Variants in PCNX2 observed in about 807,000 individuals in gnomAD.
PCNX2 encodes the protein pecanex-like protein 2.
PCNX2 carries 168 observed loss-of-function variants against 223.8 expected under a neutral mutation model. That is an observed-to-expected ratio of 0.75 (90% CI 0.66 to 0.85). PCNX2 has a LOEUF of 0.85. Among genes scored for constraint, PCNX2 ranks in the 40% least tolerant of loss-of-function variants. The pLI is 0.00. For missense variants in PCNX2, 2,507 were observed against 2,675.5 expected (o/e 0.94, Z 1.39); for synonymous variants, 1,006 against 1,052.6 (o/e 0.96, Z 0.86).
the PCNX2 span, among the ~76,000 whole-genome samples, chr1:233,320,640 T>C: frequency 6.6e-6 from 1 of 152,192 alleles, no homozygotes; most frequent in Admixed American, 6.5e-5. Flanking sequence ...TTAGTTGCAG[T>C]GTGGAATGTG....
chr1:233,035,395 A>T (rs1367579833), intron 25 of PCNX2, among the ~76,000 whole-genome samples: 1 of 152,228 alleles, frequency 6.6e-6, no homozygotes, highest in African/African-American at 2.4e-5. Context: ...TACATTTAAA[A>T]CATTGTAAAT....
intron 1 of PCNX2, among the ~76,000 whole-genome samples, chr1:233,292,274 T>C (rs1300013027): frequency 6.7e-6 from 1 of 150,230 alleles, no homozygotes; most frequent in East Asian, 2.0e-4. Flanking sequence ...TGGCGTGATC[T>C]TGGCTCACTG....
At chr1:232,995,479 C>T (rs527249206) in intron 32 of PCNX2, among the ~76,000 whole-genome samples, 3 of 152,070 alleles carry the variant, frequency 2.0e-5, no homozygotes, top group East Asian at 1.9e-4. Flanking sequence ...CCAGAGTAAG[C>T]GTGTCATTTA....
At chr1:233,195,643 A>G (rs12060667) in intron 15 of PCNX2, among the ~76,000 whole-genome samples, 5,020 of 152,346 alleles carry the variant, frequency 0.033, 260 homozygotes, top group African/African-American at 0.11. Context: ...AATAAATTGT[A>G]TTTAGTATTA....
intron 15 of PCNX2, among the ~76,000 whole-genome samples, chr1:233,190,155 A>G (rs938789198): frequency 6.6e-6 from 1 of 152,190 alleles, no homozygotes; most frequent in Non-Finnish European, 1.5e-5. Context: ...GGCAGCTGAC[A>G]TGCTGAAACG....
intron 24 of PCNX2, among the ~76,000 whole-genome samples, chr1:233,055,394 C>A (rs1489059092): frequency 6.6e-6 from 1 of 152,100 alleles, no homozygotes; most frequent in East Asian, 1.9e-4. Flanking sequence ...TGATGGAATA[C>A]CTTGCTTCCC....
At chr1:233,202,491 T>TA (rs1455490406) in intron 13 of PCNX2, among the ~76,000 whole-genome samples, 1 of 152,208 alleles carries the variant, frequency 6.6e-6, no homozygotes, top group Non-Finnish European at 1.5e-5. Context: ...CAGTCAGAAT[T>TA]AAAATGGCAC....
chr1:233,031,709 A>G (rs762845639), intron 25 of PCNX2: 1 of 980,244 alleles, frequency 1.0e-6, no homozygotes, highest in Non-Finnish European at 1.2e-6. Context: ...AGACAGTTAA[A>G]GCCTGATCCC....
chr1:233,221,820 A>G (rs1446326864), intron 10 of PCNX2, among the ~76,000 whole-genome samples: 2 of 152,210 alleles, frequency 1.3e-5, no homozygotes, highest in Admixed American at 6.5e-5. Flanking sequence ...GATTACTCCA[A>G]GATTTAAAAA....
At chr1:233,100,813 C>T (rs998710949) in intron 21 of PCNX2, among the ~76,000 whole-genome samples, 1 of 152,352 alleles carries the variant, frequency 6.6e-6, no homozygotes, top group African/African-American at 2.4e-5. Context: ...CCAAATCCCA[C>T]TCATCACCTT....
In PCNX2 at chr1:233,263,064, A is replaced by T. The variant is rs1660141310; in HGVS notation, c.253T>A (p.Phe85Ile). 1.2e-6 allele frequency: 2 copies of T among 1,613,706 alleles called. No individual in the cohort carries two copies. Among genetic ancestry groups the T allele is most frequent in the African/African-American group, 2.7e-5 (2 of 75,016 alleles). Residue 85 changes from phenylalanine (F) to isoleucine (I), a missense_variant, in exon 2 of 34, where the codon TTT becomes ATT. Phe to Ile is a conservative substitution (Grantham distance 21). This residue lies in a region of PCNX2 where 1,031 missense variants were observed against 1,021.7 expected (regional missense o/e 1.01). Coordinates refer to ENST00000258229, the MANE Select transcript of PCNX2 (RefSeq NM_014801.4). ...TGCTGAATTACTTCTCCTTTGTCAA[A>T]CATGAGGTGTAGGCGATAACTGACC... Reference protein sequence around the residue: ...KLVSYRLHLMFDKGEVIQQKP... With the variant: ...KLVSYRLHLMIDKGEVIQQKP...
In PCNX2 at chr1:232,984,443, G is replaced by A. The variant is rs1364721103; in HGVS notation, c.6275C>T (p.Thr2092Ile). 1 of 1,613,668 alleles carries A rather than the reference G, an allele frequency of 6.2e-7. No individual in the cohort carries two copies. The highest frequency in any genetic ancestry group is 1.1e-5 in the South Asian group (1 of 91,060). ...TCGGTCATGAAGCTGCCCCTGCTCG[G>A]TGGCATCAGGGGGCTCACATGGCTC... Reference protein sequence around the residue: ...LSEPCEPPDATEQGQLHDRCL... With the variant: ...LSEPCEPPDAIEQGQLHDRCL... Residue 2092 changes from threonine to isoleucine, a missense_variant, in exon 34 of 34, where the codon ACC becomes ATC. Transcript: ENST00000258229.
chr1:233,300,423 G>A (rs202095963), upstream of PCNX2, among the ~76,000 whole-genome samples: 9 of 152,162 alleles, frequency 5.9e-5, no homozygotes, highest in Admixed American at 1.3e-4. Context: ...GTACTGCTTC[G>A]TGTTCAGAGA....
intron 3 of PCNX2, 108 bp downstream of exon 3, chr1:233,261,937 T>G: frequency 6.6e-7 from 1 of 1,511,240 alleles, no homozygotes; most frequent in Non-Finnish European, 9.1e-7. Context: ...CACGGGCCAG[T>G]GATTACAGCA....
rs1207133881 is a variant in PCNX2 at position 232,986,257 on chromosome 1, G to C, written c.6075C>G (p.Thr2025=). 7 of 1,561,310 alleles carry C rather than the reference G, an allele frequency of 4.5e-6. No homozygotes were observed. The highest frequency in any genetic ancestry group is 6.1e-6 in the Non-Finnish European group (7 of 1,152,948). ...CGAAGAGGAAGCTCAGGGTGGAGCT[G>C]GTGGAGGAGCCCAGGCTGGACCTGA... ...ALIRSSLGSS[T]SSTLSFLFGK... is the part of the protein sequence containing the mutation. Residue 2025 remains threonine, a synonymous_variant, in exon 33 of 34, where the codon ACC becomes ACG. Coordinates refer to ENST00000258229, the MANE Select transcript of PCNX2 (RefSeq NM_014801.4).
chr1:233,309,560 A>G, the PCNX2 span, among the ~76,000 whole-genome samples: 3 of 150,914 alleles, frequency 2.0e-5, no homozygotes, highest in Admixed American at 2.0e-4. Context: ...AATAATAATA[A>G]TAATAAAATT....
chr1:233,029,135 G>A (rs1163290958), intron 25 of PCNX2, among the ~76,000 whole-genome samples: 1 of 152,040 alleles, frequency 6.6e-6, no homozygotes, highest in African/African-American at 2.4e-5. Context: ...ACCGTGCCTG[G>A]CCCAGTCATT....
chr1:232,992,445 G>A (rs1669735169), intron 32 of PCNX2, among the ~76,000 whole-genome samples: 1 of 152,244 alleles, frequency 6.6e-6, no homozygotes, highest in Non-Finnish European at 1.5e-5. Context: ...AGACATGCCA[G>A]CTGCACAGAT....
chr1:233,170,901 A>C (rs1679110616), intron 17 of PCNX2, among the ~76,000 whole-genome samples: 1 of 152,186 alleles, frequency 6.6e-6, no homozygotes, highest in Non-Finnish European at 1.5e-5. Context: ...TTTATCACAG[A>C]CCAAAGTTAA....
Sources: allele counts gnomAD v4.1 joint callset (sites outside exome capture counted in the v4.1 genomes callset), GRCh38; gene constraint gnomAD v4.1.1; regional missense constraint gnomAD v4.1.1; transcripts MANE v1.5; gene names NCBI Gene and HGNC (gene_info 2026-07-23, HGNC 2026-07-21).